The following SKAP1 variants were observed in gnomAD, a reference collection of about 807,000 sequenced individuals.
SKAP1 encodes src kinase-associated phosphoprotein 1.
In SKAP1, 44 loss-of-function variants were observed where a neutral mutation model predicts 58.5. The ratio of observed to expected loss-of-function variants is 0.75; its 90% CI spans 0.59 to 0.97. The LOEUF (loss-of-function observed/expected upper bound fraction) is 0.97. SKAP1 is among the 50% of genes least tolerant of loss of function. The pLI is 0.00. For missense variants in SKAP1, 390 were observed against 435.2 expected, an observed-to-expected ratio of 0.90 and a Z score of 0.92; for synonymous variants, 127 against 149.7, an observed-to-expected ratio of 0.85 and a Z score of 1.11.
At chr17:48,385,161 G>A (rs1431669594) in intron 2 of SKAP1, among the ~76,000 whole-genome samples, 4 of 152,142 alleles carry the variant, frequency 2.6e-5, no homozygotes, top group South Asian at 2.1e-4. Flanking sequence ...AGTAGCACCT[G>A]GCTGTGGCAA....
chr17:48,310,698 A>G (rs1197865049), intron 4 of SKAP1, among the ~76,000 whole-genome samples: 2 of 152,186 alleles, frequency 1.3e-5, no homozygotes, highest in African/African-American at 4.8e-5. Flanking sequence ...GGAAAATAAT[A>G]ATTTCAATGT....
intron 1 of SKAP1, among the ~76,000 whole-genome samples, chr17:48,423,523 TACA>T (rs2067819643): frequency 6.6e-6 from 1 of 152,186 alleles, no homozygotes; most frequent in Admixed American, 6.5e-5. Flanking sequence ...CACTGTCCAG[TACA>T]GTAGCCACTG....
chr17:48,396,483 T>C (rs1289790399), intron 2 of SKAP1, among the ~76,000 whole-genome samples, 197 bp downstream of exon 2: 1 of 152,264 alleles, frequency 6.6e-6, no homozygotes, highest in Non-Finnish European at 1.5e-5. Context: ...ACATACATAA[T>C]TATCAAAACA....
intron 4 of SKAP1, among the ~76,000 whole-genome samples, chr17:48,302,291 A>G (rs982921667): frequency 6.6e-6 from 1 of 151,476 alleles, no homozygotes; most frequent in African/African-American, 2.4e-5. Context: ...ATATATTGAT[A>G]GGACATCTTT....
At chr17:48,411,435 A>AAATG (rs1555624729) in intron 1 of SKAP1, among the ~76,000 whole-genome samples, 1 of 149,690 alleles carries the variant, frequency 6.7e-6, no homozygotes, top group Admixed American at 6.7e-5. Context: ...ATAAATAAAT[A>AAATG]AATGGGAGAC....
intron 11 of SKAP1, among the ~76,000 whole-genome samples, chr17:48,149,602 G>T (rs867608133): frequency 1.3e-5 from 2 of 152,084 alleles, no homozygotes; most frequent in Non-Finnish European, 2.9e-5. Context: ...CCCTCTAGGG[G>T]GTGTCACAGC....
At chr17:48,356,855 A>C (rs2066881988) in intron 3 of SKAP1, among the ~76,000 whole-genome samples, 1 of 152,174 alleles carries the variant, frequency 6.6e-6, no homozygotes, top group African/African-American at 2.4e-5. Flanking sequence ...TCCTTCCAAA[A>C]ATATTCTATA....
At chr17:48,388,469 C>T (rs997664289) in intron 2 of SKAP1, among the ~76,000 whole-genome samples, 20 of 151,998 alleles carry the variant, frequency 1.3e-4, no homozygotes, top group Admixed American at 1.3e-3. Flanking sequence ...CAATAAAAAA[C>T]CTTTATATTA....
At chr17:48,250,272 GTTTTTTTTTTTTT>G (rs755523173) in intron 4 of SKAP1, among the ~76,000 whole-genome samples, 1 of 74,036 alleles carries the variant, frequency 1.4e-5, no homozygotes, top group Non-Finnish European at 2.6e-5. Flanking sequence ...GCCATAGACA[GTTTTTTTTTTTTT>G]TTTTTTTTTT....
intron 1 of SKAP1, among the ~76,000 whole-genome samples, chr17:48,410,355 T>C (rs1460174153): frequency 1.3e-5 from 2 of 152,184 alleles, no homozygotes; most frequent in East Asian, 3.8e-4. Flanking sequence ...AATCAGGTTA[T>C]TATTAATACA....
At chr17:48,170,494 G>T (rs762001979) in intron 10 of SKAP1, 115 bp downstream of exon 10, 6 of 889,284 alleles carry the variant, frequency 6.7e-6, no homozygotes, top group Non-Finnish European at 1.1e-5. Flanking sequence ...TCACACACAG[G>T]TACCCTCTTA....
At position 48,180,266 on chromosome 17, in the gene SKAP1, A is replaced by G. The variant is rs2064350862; in HGVS notation, c.632-18T>C. The G allele has an allele frequency of 1.3e-6, 2 of 1,521,360 alleles. No homozygotes were observed. Among genetic ancestry groups the G allele is most frequent in the African/African-American group, 2.8e-5 (2 of 71,364 alleles). 94.2% of individuals were successfully genotyped at this position (1,521,360 alleles called of 1,614,324 possible). On this transcript the variant is annotated intron_variant, in intron 8 of 12. Coordinates refer to ENST00000336915, the MANE Select transcript of SKAP1 (RefSeq NM_003726.4). ...GCTCAGATCTAACAAGGCAAAGATG[A>G]GAATGAATCAAGAAACAGAGAAAAA... is the stretch of plus-strand genomic sequence containing the variant.
At chr17:48,397,386 C>T (rs747246044) in intron 1 of SKAP1, among the ~76,000 whole-genome samples, 1 of 152,118 alleles carries the variant, frequency 6.6e-6, no homozygotes, top group Non-Finnish European at 1.5e-5. Context: ...CCGCCAAGCC[C>T]GGCTAATTTT....
rs1000410049 is a variant in SKAP1 at position 48,162,348 on chromosome 17, G to A, written c.978+121C>T. 2.2e-5 allele frequency: 12 copies of A among 552,616 alleles called. No homozygotes were observed. In the East Asian group the frequency reaches 3.6e-4, roughly 16 times the overall value. 34.2% of individuals were successfully genotyped at this position (552,616 alleles called of 1,614,324 possible). A position where few individuals can be genotyped will look rare whatever the true frequency, so the allele number is the denominator to read the frequency against. On this transcript the variant is annotated intron_variant, in intron 11 of 12. Transcript: ENST00000336915. ...TTTTCCTAACAATTATGAATAAATG[G>A]GAATTTATATTGTGAGGGAGCCATG...
chr17:48,164,395 G>T (rs1217517284), intron 10 of SKAP1, among the ~76,000 whole-genome samples: 4 of 152,140 alleles, frequency 2.6e-5, no homozygotes, highest in Admixed American at 6.5e-5. Flanking sequence ...GGTTATCTTG[G>T]TCTTTTCTGG....
intron 4 of SKAP1, among the ~76,000 whole-genome samples, chr17:48,302,280 A>C (rs1567859751): frequency 6.6e-6 from 1 of 152,128 alleles, no homozygotes; most frequent in Non-Finnish European, 1.5e-5. Context: ...CTACTATAAT[A>C]ATATATTGAT....
chr17:48,154,485 C>T (rs1379000601), intron 11 of SKAP1, among the ~76,000 whole-genome samples: 1 of 152,174 alleles, frequency 6.6e-6, no homozygotes, highest in Non-Finnish European at 1.5e-5. Flanking sequence ...GCGTACCCAA[C>T]TTGTTGCTCC....
At chr17:48,384,848 C>G (rs2067256957) in intron 2 of SKAP1, among the ~76,000 whole-genome samples, 1 of 152,122 alleles carries the variant, frequency 6.6e-6, no homozygotes, top group Non-Finnish European at 1.5e-5. Flanking sequence ...GGAGGGAGAA[C>G]TGCAGCTGAG....
At chr17:48,213,139 C>T (rs909832815) in intron 4 of SKAP1, among the ~76,000 whole-genome samples, 5 of 151,926 alleles carry the variant, frequency 3.3e-5, no homozygotes, top group African/African-American at 9.7e-5. Context: ...GTCAGGAGCT[C>T]GAGACCAGCC....
Sources: allele counts gnomAD v4.1 joint callset (sites outside exome capture counted in the v4.1 genomes callset), GRCh38; gene constraint gnomAD v4.1.1; transcripts MANE v1.5; gene names NCBI Gene and HGNC (gene_info 2026-07-23, HGNC 2026-07-21).